The following PLA2G4A variants were observed in gnomAD, a reference collection of about 807,000 sequenced individuals.
PLA2G4A encodes cytosolic phospholipase A2.
In PLA2G4A, 40 loss-of-function variants were observed where a neutral mutation model predicts 81.9. The ratio of observed to expected loss-of-function variants is 0.49; its 90% CI spans 0.38 to 0.64. The LOEUF (loss-of-function observed/expected upper bound fraction) is 0.64. Ranked by LOEUF, PLA2G4A falls within the 30% of genes least tolerant of loss-of-function variation. PLA2G4A has a pLI of 0.00. For missense variants in PLA2G4A, 715 were observed against 905.1 expected, an observed-to-expected ratio of 0.79 and a Z score of 2.69; for synonymous variants, 302 against 296.9, an observed-to-expected ratio of 1.02 and a Z score of -0.18.
chr1:186,929,898 C>CA (rs1368884140), intron 7 of PLA2G4A, among the ~76,000 whole-genome samples: 1 of 151,930 alleles, frequency 6.6e-6, no homozygotes, highest in African/African-American at 2.4e-5. Context: ...CTTGTCTTTA[C>CA]AAAAAATACA....
At chr1:186,980,419 G>A (rs1158862091) in intron 17 of PLA2G4A, among the ~76,000 whole-genome samples, 1 of 152,044 alleles carries the variant, frequency 6.6e-6, no homozygotes, top group Non-Finnish European at 1.5e-5. Flanking sequence ...TGAAATCATT[G>A]ACTTGTGGTT....
At chr1:186,933,701 A>ATATGTC (rs1264885166) in intron 8 of PLA2G4A, among the ~76,000 whole-genome samples, 15 of 152,276 alleles carry the variant, frequency 9.9e-5, no homozygotes, top group South Asian at 4.1e-4. Context: ...ATCGTATTAT[A>ATATGTC]TATGTCTAGC....
At chr1:186,976,379 C>T (rs1482584409) in intron 15 of PLA2G4A, among the ~76,000 whole-genome samples, 1 of 151,986 alleles carries the variant, frequency 6.6e-6, no homozygotes, top group Non-Finnish European at 1.5e-5. Flanking sequence ...TTTTGTTTTC[C>T]TTACTTTTTT....
intron 17 of PLA2G4A, among the ~76,000 whole-genome samples, chr1:186,985,801 G>A (rs1657874405): frequency 6.6e-6 from 1 of 152,032 alleles, no homozygotes; most frequent in Non-Finnish European, 1.5e-5. Context: ...TAACACTGAA[G>A]GGAAGGATTT....
chr1:186,872,367 C>T (rs1198792728), intron 3 of PLA2G4A, among the ~76,000 whole-genome samples: 2 of 152,034 alleles, frequency 1.3e-5, no homozygotes, highest in African/African-American at 4.8e-5. Context: ...CGTTTTACAA[C>T]CAAAGAGGCC....
intron 17 of PLA2G4A, among the ~76,000 whole-genome samples, chr1:186,986,589 T>C (rs950558469): frequency 3.3e-5 from 5 of 152,262 alleles, no homozygotes; most frequent in African/African-American, 1.2e-4. Context: ...TTATAAACTT[T>C]ATAGCTTCAC....
chr1:186,840,133 C>A (rs1651928704), intron 1 of PLA2G4A, among the ~76,000 whole-genome samples: 1 of 151,724 alleles, frequency 6.6e-6, no homozygotes, highest in Non-Finnish European at 1.5e-5. Flanking sequence ...TGCCCACCAC[C>A]ATGCCTGGGC....
rs73053018 is a variant in PLA2G4A, at chr1:186,960,804, G to T, written c.1579+4460G>T. Among the ~76,000 whole-genome samples the T allele has an allele frequency of 5.6e-3, 860 of 152,276 alleles. 7 individuals are homozygous for T. The highest frequency in any genetic ancestry group is 0.02 in the African/African-American group (827 of 41,566). ...ATAGAATTATTTGGAGGATTGGTTA[G>T]CATTTTCATATAAAGTGCTGTTAGT... On this transcript the variant is annotated intron_variant, in intron 14 of 17. Coordinates refer to ENST00000367466, the MANE Select transcript of PLA2G4A (RefSeq NM_024420.3).
chr1:186,967,939 C>T (rs1252158537), intron 15 of PLA2G4A, among the ~76,000 whole-genome samples: 2 of 152,050 alleles, frequency 1.3e-5, no homozygotes, highest in East Asian at 3.9e-4. Flanking sequence ...GAATGGAAGG[C>T]AAGGAATTAA....
chr1:186,868,821 G>A (rs1653130675), intron 2 of PLA2G4A, among the ~76,000 whole-genome samples: 1 of 151,674 alleles, frequency 6.6e-6, no homozygotes, highest in Non-Finnish European at 1.5e-5. Flanking sequence ...GCATAGAGTT[G>A]TTTGTAGTAT....
At chr1:186,891,768 C>T (rs919770399) in intron 3 of PLA2G4A, among the ~76,000 whole-genome samples, 3 of 152,164 alleles carry the variant, frequency 2.0e-5, no homozygotes, top group Non-Finnish European at 4.4e-5. Context: ...CACAGGAGTA[C>T]AGATATCTCT....
chr1:186,843,020 T>G (rs1343581031), intron 1 of PLA2G4A, among the ~76,000 whole-genome samples: 2 of 152,234 alleles, frequency 1.3e-5, no homozygotes, highest in African/African-American at 4.8e-5. Flanking sequence ...CAGCCCATGT[T>G]AACCCAGATG....
chr1:186,877,673 C>T (rs1252245726), intron 3 of PLA2G4A, among the ~76,000 whole-genome samples: 1 of 113,954 alleles, frequency 8.8e-6, no homozygotes, highest in Non-Finnish European at 1.6e-5. Flanking sequence ...TATAATCATG[C>T]ACTTTTAAGA....
At chr1:186,853,410 C>A (rs1652445225) in intron 1 of PLA2G4A, among the ~76,000 whole-genome samples, 1 of 151,590 alleles carries the variant, frequency 6.6e-6, no homozygotes, top group Non-Finnish European at 1.5e-5. Context: ...TGACAATGAG[C>A]AGGAATCATT....
intron 14 of PLA2G4A, among the ~76,000 whole-genome samples, chr1:186,963,128 C>G (rs560006128): frequency 1.3e-5 from 2 of 152,212 alleles, no homozygotes; most frequent in African/African-American, 4.8e-5. Context: ...ACATAATAGA[C>G]TCAGTATAAA....
chr1:186,860,470 C>T (rs552041742), intron 2 of PLA2G4A, among the ~76,000 whole-genome samples: 1 of 152,212 alleles, frequency 6.6e-6, no homozygotes, highest in East Asian at 1.9e-4. Context: ...TTCCTTCTTC[C>T]ACCTCTGTTC....
At chr1:186,930,438 G>C (rs1210920174) in intron 7 of PLA2G4A, among the ~76,000 whole-genome samples, 2 of 152,090 alleles carry the variant, frequency 1.3e-5, no homozygotes, top group Non-Finnish European at 2.9e-5. Context: ...AGTATGTGTC[G>C]GGCTGTTGGC....
chr1:186,935,466 G>A (rs1018312425), intron 8 of PLA2G4A, among the ~76,000 whole-genome samples: 2 of 150,542 alleles, frequency 1.3e-5, no homozygotes, highest in African/African-American at 2.4e-5. Flanking sequence ...CTGAGATGTA[G>A]GAAATAATGT....
intron 8 of PLA2G4A, among the ~76,000 whole-genome samples, chr1:186,937,069 G>A (rs551434426): frequency 2.0e-5 from 3 of 151,160 alleles, no homozygotes; most frequent in African/African-American, 7.3e-5. Flanking sequence ...CACTCAGTTA[G>A]ATGTAACTGC....
Sources: gnomAD v4.1 joint callset for allele counts (sites outside exome capture counted in the v4.1 genomes callset) on GRCh38, gnomAD v4.1.1 for gene constraint, MANE v1.5 for transcripts, NCBI Gene and HGNC (gene_info 2026-07-23, HGNC 2026-07-21) for gene names.